CSMD3: variants seen among roughly 807,000 people sequenced by gnomAD.
CSMD3 encodes the protein CUB and Sushi multiple domains 3.
Under a neutral mutation model 435.2 loss-of-function variants are expected in CSMD3, and 177 were observed. The observed-to-expected ratio is 0.41, with a 90% CI of 0.36 to 0.46. The LOEUF is 0.46. CSMD3 is among the 20% of genes least tolerant of loss of function. The pLI is 0.34. For synonymous variants in CSMD3, 1,656 were observed against 1,520.5 expected (o/e 1.09, Z -2.07); for missense variants, 4,265 against 4,504.6 (o/e 0.95, Z 1.52).
At chr8:112,525,665 G>T (rs914370533) in intron 27 of CSMD3, among the ~76,000 whole-genome samples, 3 of 148,254 alleles carry the variant, frequency 2.0e-5, no homozygotes, top group African/African-American at 7.4e-5. Context: ...AACATGCCTG[G>T]AGCCAAGATC....
chr8:112,730,145 A>G (rs141200241), intron 13 of CSMD3, among the ~76,000 whole-genome samples: 3 of 152,204 alleles, frequency 2.0e-5, no homozygotes, highest in South Asian at 4.1e-4. Context: ...GTTTGTGAAG[A>G]GATTAATTAT....
intron 1 of CSMD3, among the ~76,000 whole-genome samples, chr8:113,405,014 T>C (rs898015520): frequency 6.6e-6 from 1 of 151,510 alleles, no homozygotes; most frequent in African/African-American, 2.4e-5. Flanking sequence ...GAACTTAATT[T>C]GTCTAGATAT....
intron 22 of CSMD3, among the ~76,000 whole-genome samples, chr8:112,621,664 T>G (rs997708581): frequency 1.8e-4 from 28 of 152,262 alleles, no homozygotes; most frequent in Admixed American, 1.8e-3. Context: ...GGACACCATT[T>G]TTTTACTTGT....
chr8:112,343,779 G>A (rs975484547), intron 41 of CSMD3, among the ~76,000 whole-genome samples: 1 of 152,104 alleles, frequency 6.6e-6, no homozygotes, highest in Admixed American at 6.5e-5. Context: ...CTGATTAGGT[G>A]GGACATACAG....
intron 32 of CSMD3, among the ~76,000 whole-genome samples, chr8:112,420,421 ATTTC>A: frequency 6.6e-6 from 1 of 152,288 alleles, no homozygotes. Flanking sequence ...TTTAATGATA[ATTTC>A]TTTATTTCAT....
At position 112,292,688 on chromosome 8, in the gene CSMD3, A is replaced by G. The variant is rs913501050; in HGVS notation, c.8637T>C (p.Gly2879=). ...SCVPVSCGHP[G]SPIYGRTSGN... ...CACTTGTTCTTCCATAAATTGGACTACCAGGGTGACCACAGCTAACAGCTA... is the reference window on the plus strand; with the variant it reads ...CACTTGTTCTTCCATAAATTGGACTGCCAGGGTGACCACAGCTAACAGCTA... The change falls in exon 55 of 71, where the codon GGT becomes GGC. Residue 2879 remains glycine (G), a synonymous_variant. Coordinates refer to ENST00000297405, the MANE Select transcript of CSMD3 (RefSeq NM_198123.2). 1.2e-6 allele frequency: 2 copies of G among 1,613,816 alleles called. No homozygotes were observed. Among genetic ancestry groups the G allele is most frequent in the Non-Finnish European group, 1.7e-6 (2 of 1,179,748 alleles).
chr8:113,296,870 A>G (rs995870145), intron 2 of CSMD3, among the ~76,000 whole-genome samples: 3 of 152,180 alleles, frequency 2.0e-5, no homozygotes, highest in Non-Finnish European at 4.4e-5. Flanking sequence ...TCTATCAAAT[A>G]TAAACTTCCA....
At chr8:112,674,955 A>G (rs1442915573) in intron 16 of CSMD3, among the ~76,000 whole-genome samples, 7 of 152,164 alleles carry the variant, frequency 4.6e-5, no homozygotes, top group African/African-American at 1.7e-4. Flanking sequence ...AGATAGATAA[A>G]GACATATAGA....
intron 22 of CSMD3, among the ~76,000 whole-genome samples, chr8:112,603,961 A>T (rs1832587620): frequency 6.6e-6 from 1 of 152,222 alleles, no homozygotes; most frequent in African/African-American, 2.4e-5. Flanking sequence ...AATCTTCATT[A>T]TGTAAATCTA....
Position 112,911,619 on chromosome 8 carries a change from GTGTGTGTGTGTGTAC to G in CSMD3, c.1633+9993_1633+10007del, listed in dbSNP as rs2082414605. 3.6e-5 allele frequency among the ~76,000 whole-genome samples: 4 copies of G among 111,790 alleles called. No individual in the cohort carries two copies. The Admixed American group carries it at 4.4e-4, about 12-fold the overall frequency. The allele number at this position is 111,790 out of a possible 152,430, so 73.3% of individuals were successfully genotyped here. A position where few individuals can be genotyped will look rare whatever the true frequency, so the allele number is the denominator to read the frequency against. On this transcript the variant is annotated intron_variant, in intron 10 of 70. Coordinates refer to ENST00000297405, the MANE Select transcript of CSMD3 (RefSeq NM_198123.2). ...TTTTAAGGCTGAATTGTATTCCATT[GTGTGTGTGTGTGTAC>G]ATATATATGTGTGTGTGTGTGTGTG...
Position 112,343,001 on chromosome 8 carries a change from T to TTATATATATATATTTA in CSMD3, c.6443-1316_6443-1315insTAAATATATATATATA, listed in dbSNP as rs1825305324. On this transcript the variant is annotated intron_variant, in intron 41 of 70. Coordinates refer to ENST00000297405, the MANE Select transcript of CSMD3 (RefSeq NM_198123.2). ...TATATATATATTTATATATATATAT[T>TTATATATATATATTTA]TATATATATATATATTTATATATAT... 5.5e-3 allele frequency among the ~76,000 whole-genome samples: 606 copies of TTATATATATATATTTA among 109,592 alleles called. 10 individuals carry two copies. The highest frequency in any genetic ancestry group is 0.019 in the African/African-American group (549 of 28,318). The allele number at this position is 109,592 out of a possible 152,430, so 71.9% of individuals were successfully genotyped here. A position where few individuals can be genotyped will look rare whatever the true frequency, so the allele number is the denominator to read the frequency against.
chr8:113,082,256 C>T (rs1347436944), intron 5 of CSMD3, among the ~76,000 whole-genome samples: 6 of 152,322 alleles, frequency 3.9e-5, no homozygotes, highest in Middle Eastern at 3.4e-3. Flanking sequence ...CCATCACCCC[C>T]ACTGCTGGTC....
intron 4 of CSMD3, among the ~76,000 whole-genome samples, chr8:113,110,623 A>G (rs1232227088): frequency 6.6e-6 from 1 of 151,986 alleles, no homozygotes; most frequent in Non-Finnish European, 1.5e-5. Flanking sequence ...CTTTCTCTAC[A>G]TCTCCCCTCT....
chr8:112,408,787 A>T, intron 33 of CSMD3, 132 bp downstream of exon 33: 1 of 1,454,586 alleles, frequency 6.9e-7, no homozygotes, highest in Non-Finnish European at 9.3e-7. Context: ...CTTTAGAAAA[A>T]AAAAAGGTGA....
chr8:113,150,124 A>G (rs1301678557), intron 4 of CSMD3, among the ~76,000 whole-genome samples: 1 of 152,008 alleles, frequency 6.6e-6, no homozygotes, highest in Admixed American at 6.6e-5. Flanking sequence ...CTTCCTCTTT[A>G]GCATACTCTA....
chr8:112,555,310 A>G (rs1828021828), intron 25 of CSMD3, among the ~76,000 whole-genome samples: 4 of 151,988 alleles, frequency 2.6e-5, no homozygotes. Flanking sequence ...ATAAAAATAT[A>G]TATGCTTTTA....
chr8:112,527,021 A>T (rs988689704), intron 27 of CSMD3, among the ~76,000 whole-genome samples: 2 of 151,966 alleles, frequency 1.3e-5, no homozygotes, highest in African/African-American at 4.8e-5. Flanking sequence ...GAAGAGAAAA[A>T]AATGATGGTA....
intron 13 of CSMD3, among the ~76,000 whole-genome samples, chr8:112,716,325 T>A (rs567702346): frequency 6.6e-6 from 1 of 152,194 alleles, no homozygotes; most frequent in Non-Finnish European, 1.5e-5. Context: ...CCATTCACAA[T>A]TGCTACGAAG....
At chr8:112,785,310 A>G (rs958344900) in intron 13 of CSMD3, among the ~76,000 whole-genome samples, 1 of 152,022 alleles carries the variant, frequency 6.6e-6, no homozygotes, top group African/African-American at 2.4e-5. Flanking sequence ...ATAATACTAA[A>G]TAGGAAAAAA....
Sources: allele counts gnomAD v4.1 joint callset (sites outside exome capture counted in the v4.1 genomes callset), GRCh38; gene constraint gnomAD v4.1.1; transcripts MANE v1.5; gene names NCBI Gene and HGNC (gene_info 2026-07-23, HGNC 2026-07-21).